Variants in RCAN2 observed in about 807,000 individuals in gnomAD.
RCAN2 encodes the protein regulator of calcineurin 2.
A neutral mutation model predicts 23.6 loss-of-function variants in RCAN2; 9 were observed. The observed-to-expected ratio is 0.38, with a 90% CI of 0.23 to 0.67. RCAN2 has a LOEUF of 0.67. RCAN2 is among the 30% of genes least tolerant of loss of function. RCAN2 has a pLI of 0.51. For synonymous variants in RCAN2, 109 were observed against 115.7 expected (o/e 0.94, Z 0.37); for missense variants, 273 against 302.3 (o/e 0.90, Z 0.72).
chr6:46,395,369 T>G (rs1766058077), intron 2 of RCAN2, among the ~76,000 whole-genome samples: 1 of 151,958 alleles, frequency 6.6e-6, no homozygotes, highest in South Asian at 2.1e-4. Flanking sequence ...CAAAGGGAGG[T>G]GGAGTCCTAA....
upstream of RCAN2, among the ~76,000 whole-genome samples, chr6:46,491,655 C>G (rs1279797693): frequency 2.0e-5 from 3 of 152,072 alleles, no homozygotes; most frequent in African/African-American, 4.8e-5. Flanking sequence ...CCCTCAGCCC[C>G]GCACCCCCTC....
chr6:46,401,346 G>A (rs1766243009), intron 2 of RCAN2, among the ~76,000 whole-genome samples: 1 of 152,134 alleles, frequency 6.6e-6, no homozygotes, highest in Non-Finnish European at 1.5e-5. Context: ...TCACCCCTGG[G>A]CCTTTGTCAG....
At chr6:46,323,476 C>T (rs377561734) in intron 2 of RCAN2, among the ~76,000 whole-genome samples, 61 of 152,074 alleles carry the variant, frequency 4.0e-4, no homozygotes, top group African/African-American at 1.2e-3. Flanking sequence ...TAACAGTCTT[C>T]CTCGAAAAAC....
intron 2 of RCAN2, among the ~76,000 whole-genome samples, chr6:46,306,077 A>G (rs892975346): frequency 6.6e-6 from 1 of 152,126 alleles, no homozygotes; most frequent in Admixed American, 6.5e-5. Flanking sequence ...CCAGTGTGCT[A>G]CACAGCAGGG....
chr6:46,393,144 G>A (rs554823992), intron 2 of RCAN2, among the ~76,000 whole-genome samples: 1 of 152,168 alleles, frequency 6.6e-6, no homozygotes, highest in Non-Finnish European at 1.5e-5. Flanking sequence ...CCATAGGCTA[G>A]AATTTCAAGA....
chr6:46,473,376 A>G (rs1768622702), intron 1 of RCAN2, among the ~76,000 whole-genome samples: 1 of 152,148 alleles, frequency 6.6e-6, no homozygotes, highest in Admixed American at 6.5e-5. Flanking sequence ...CCTATCTCAT[A>G]CCTAGCATAT....
At chr6:46,348,830 A>G (rs9381443) in intron 2 of RCAN2, among the ~76,000 whole-genome samples, 64,091 of 151,952 alleles carry the variant, frequency 0.42, 14,961 homozygotes, top group East Asian at 0.6. Flanking sequence ...TTGCAAGTTT[A>G]AAATGCATAT....
chr6:46,405,035 T>C (rs1472288944), intron 2 of RCAN2, among the ~76,000 whole-genome samples: 1 of 152,216 alleles, frequency 6.6e-6, no homozygotes, highest in Non-Finnish European at 1.5e-5. Context: ...TGGGGAAACA[T>C]AGATGAAAGC....
rs111469305 is a variant in RCAN2 at position 46,396,964 on chromosome 6, A to T, written c.225+59788T>A. 5.2e-3 allele frequency among the ~76,000 whole-genome samples: 798 copies of T among 152,164 alleles called. 7 individuals carry two copies. Among genetic ancestry groups the T allele is most frequent in the African/African-American group, 0.018 (754 of 41,508 alleles). Reference sequence around the variant, plus strand: ...TGTCTCTACTAAAAATACAAAAATTAGCTGGGTGTGGTGGCATGCTCCTGT... The same window carrying T: ...TGTCTCTACTAAAAATACAAAAATTTGCTGGGTGTGGTGGCATGCTCCTGT... On this transcript the variant is annotated intron_variant, in intron 2 of 4. Coordinates refer to ENST00000371374, the MANE Select transcript of RCAN2 (RefSeq NM_001251974.2).
At chr6:46,367,872 A>G (rs932358427) in intron 2 of RCAN2, among the ~76,000 whole-genome samples, 1 of 152,224 alleles carries the variant, frequency 6.6e-6, no homozygotes, top group Non-Finnish European at 1.5e-5. Flanking sequence ...GAGGGAAACT[A>G]TAATTTTAAA....
At chr6:46,284,290 G>A (rs1762299568) in intron 2 of RCAN2, among the ~76,000 whole-genome samples, 1 of 152,138 alleles carries the variant, frequency 6.6e-6, no homozygotes. Flanking sequence ...TCTCGGCAGA[G>A]TGGGCATCAC....
chr6:46,312,369 C>T (rs1763292521), intron 2 of RCAN2, among the ~76,000 whole-genome samples: 1 of 152,182 alleles, frequency 6.6e-6, no homozygotes. Flanking sequence ...TTTAACATCA[C>T]TGAATTTCCA....
intron 2 of RCAN2, among the ~76,000 whole-genome samples, chr6:46,453,921 C>T (rs780025551): frequency 3.3e-5 from 5 of 152,190 alleles, no homozygotes; most frequent in Admixed American, 6.5e-5. Context: ...CACCGACCCT[C>T]GTAAACCTTG....
At chr6:46,392,656 A>T (rs1265562107) in intron 2 of RCAN2, among the ~76,000 whole-genome samples, 3 of 152,360 alleles carry the variant, frequency 2.0e-5, no homozygotes, top group Non-Finnish European at 4.4e-5. Context: ...CTAGTGGGAT[A>T]TACTTATTAT....
In RCAN2 at chr6:46,334,567, G is replaced by A. The variant is rs80228721; in HGVS notation, c.226-85671C>T. Among the ~76,000 whole-genome samples the A allele has an allele frequency of 6.5e-3, 985 of 152,280 alleles. 11 individuals carry two copies. The highest frequency in any genetic ancestry group is 0.022 in the African/African-American group (912 of 41,554). Reference sequence around the variant, plus strand: ...CACTGGACAATAGGGATGGTGGGGTGGGGGCAGGAGAGGTCCATGAGAAGT... The same window carrying A: ...CACTGGACAATAGGGATGGTGGGGTAGGGGCAGGAGAGGTCCATGAGAAGT... On this transcript the variant is annotated intron_variant, in intron 2 of 4. Transcript: ENST00000371374.
rs534692644 is a variant in RCAN2, at chr6:46,456,795, G to C, written c.182C>G (p.Ala61Gly). ...AAACACTGACTGGTGAACATTGCAC[G>C]CAAACAACGAGTTGGGGAGGTCATT... is the stretch of plus-strand genomic sequence containing the variant. ...DFNDLPNSLF[A>G]CNVHQSVFEG... Residue 61 changes from alanine to glycine, a missense_variant, in exon 2 of 5, where the codon GCG becomes GGG. Coordinates refer to ENST00000371374, the MANE Select transcript of RCAN2 (RefSeq NM_001251974.2). 6.4e-7 allele frequency: 1 copy of C among 1,550,806 alleles called. No homozygotes were observed. The highest frequency in any genetic ancestry group is 2.0e-5 in the Admixed American group (1 of 51,000).
chr6:46,255,462 C>T (rs1561830421), intron 2 of RCAN2, among the ~76,000 whole-genome samples: 1 of 152,026 alleles, frequency 6.6e-6, no homozygotes, highest in Non-Finnish European at 1.5e-5. Flanking sequence ...GTAGGAATGA[C>T]ATAGTGGGAA....
At chr6:46,412,040 A>T (rs923883961) in intron 2 of RCAN2, among the ~76,000 whole-genome samples, 3 of 152,202 alleles carry the variant, frequency 2.0e-5, no homozygotes, top group Non-Finnish European at 2.9e-5. Context: ...GGAAGCAGGA[A>T]TACCAGCTAG....
intron 2 of RCAN2, among the ~76,000 whole-genome samples, chr6:46,337,385 T>C (rs1239898687): frequency 2.0e-5 from 3 of 152,248 alleles, no homozygotes; most frequent in African/African-American, 7.2e-5. Flanking sequence ...CTGTGAATTG[T>C]GGTCCTTCTA....
Sources: gnomAD v4.1 joint callset for allele counts (sites outside exome capture counted in the v4.1 genomes callset) on GRCh38, gnomAD v4.1.1 for gene constraint, MANE v1.5 for transcripts, NCBI Gene and HGNC (gene_info 2026-07-23, HGNC 2026-07-21) for gene names.